The following AHDC1 variants were observed in gnomAD, a reference collection of about 807,000 sequenced individuals.
AHDC1 encodes the protein AT-hook DNA binding motif containing 1.
In AHDC1, 7 loss-of-function variants were observed where a neutral mutation model predicts 87.9. The observed-to-expected ratio is 0.08, with a 90% CI of 0.05 to 0.15. The LOEUF is 0.15. Among genes scored for constraint, AHDC1 ranks in the 10% least tolerant of loss-of-function variants. AHDC1 has a pLI of 1.00. For synonymous variants in AHDC1, 1,051 were observed against 1,006.8 expected (o/e 1.04, Z -0.83); for missense variants, 1,841 against 2,253.2 (o/e 0.82, Z 3.70).
At chr1:27,572,907 G>T (rs115036854) in intron 3 of AHDC1, among the ~76,000 whole-genome samples, 1,716 of 152,314 alleles carry the variant, frequency 0.011, 28 homozygotes, top group African/African-American at 0.039. Context: ...CCTGGAGGCC[G>T]ACTGGTCACT....
At chr1:27,539,434 A>C (rs1211273999) in intron 8 of AHDC1, among the ~76,000 whole-genome samples, 1 of 150,020 alleles carries the variant, frequency 6.7e-6, no homozygotes, top group Non-Finnish European at 1.5e-5. Context: ...CCACCATGCC[A>C]GGCCTGGAGA....
At chr1:27,579,302 G>A (rs2088845068) in intron 3 of AHDC1, among the ~76,000 whole-genome samples, 1 of 152,040 alleles carries the variant, frequency 6.6e-6, no homozygotes, top group African/African-American at 2.4e-5. Context: ...TGCCTTCTCT[G>A]GATCCGTATC....
chr1:27,598,499 A>G lies in AHDC1; in HGVS notation c.-629+4898T>C, dbSNP rs1410886559. On this transcript the variant is annotated intron_variant, in intron 3 of 8. Coordinates refer to ENST00000673934, the MANE Select transcript of AHDC1 (RefSeq NM_001371928.1). This position sits in a 1 kb window ranked among gnomAD's most constrained non-coding sequence, Gnocchi z 4.2. ...GGCCTTGGGCGAAGGAGGGGCTGGG[A>G]GCCAGGGCTTCCTGTCAGCTGGGCT... 6.6e-6 allele frequency among the ~76,000 whole-genome samples: 1 copy of G among 152,054 alleles called. No individual in the cohort carries two copies. Among genetic ancestry groups the G allele is most frequent in the Non-Finnish European group, 1.5e-5 (1 of 67,964 alleles).
chr1:27,547,787 G>C lies in AHDC1; in HGVS notation c.4329C>G (p.His1443Gln), dbSNP rs199527867. ...SLGHAAAAQAHLSCRDLPLGQ... is the reference protein window; with the variant it reads ...SLGHAAAAQAQLSCRDLPLGQ... ...CCAGCGGCAGGTCCCGGCAGCTCAG[G>C]TGGGCCTGGGCTGCAGCTGCGTGGC... The change falls in exon 8 of 9, where the codon CAC becomes CAG. Residue 1443 changes from histidine (H) to glutamine (Q), a missense_variant. His to Gln is a conservative substitution (Grantham distance 24). Coordinates refer to ENST00000673934, the MANE Select transcript of AHDC1 (RefSeq NM_001371928.1). This position sits in a 1 kb window ranked among gnomAD's most constrained non-coding sequence, Gnocchi z 4.9. The C allele has an allele frequency of 6.8e-5, 108 of 1,576,916 alleles. No homozygotes were observed. In the African/African-American group the frequency reaches 1.4e-3, roughly 20 times the overall value.
chr1:27,599,604 G>A (rs2089475825), intron 3 of AHDC1, among the ~76,000 whole-genome samples: 1 of 152,182 alleles, frequency 6.6e-6, no homozygotes, highest in South Asian at 2.1e-4. Context: ...CCTAGACTTG[G>A]CTTTCTCTCG....
At chr1:27,543,121 C>T (rs1252827708) in intron 8 of AHDC1, among the ~76,000 whole-genome samples, 1 of 152,258 alleles carries the variant, frequency 6.6e-6, no homozygotes, top group Non-Finnish European at 1.5e-5. Flanking sequence ...CTTCCTGCTT[C>T]AGTCAGGCCC....
At chr1:27,596,685 C>A (rs981585698) in intron 3 of AHDC1, among the ~76,000 whole-genome samples, 2 of 152,142 alleles carry the variant, frequency 1.3e-5, no homozygotes, top group African/African-American at 4.8e-5. Context: ...ATGCCTGCCA[C>A]TGCACGCTCA....
intron 3 of AHDC1, among the ~76,000 whole-genome samples, chr1:27,577,677 GT>G (rs1379470379): frequency 6.6e-6 from 1 of 152,222 alleles, no homozygotes; most frequent in Non-Finnish European, 1.5e-5. Context: ...TGGGCCCCCT[GT>G]TTCCACAGAG....
chr1:27,602,066 C>T (rs1023189463), intron 3 of AHDC1, among the ~76,000 whole-genome samples: 6 of 152,164 alleles, frequency 3.9e-5, no homozygotes, highest in African/African-American at 7.2e-5. Flanking sequence ...TGGTACAGTC[C>T]GGCCCTGCCT....
At position 27,582,435 on chromosome 1, in the gene AHDC1, T is replaced by C. The variant is rs1344680162; in HGVS notation, c.-629+20962A>G. Reference sequence around the variant, plus strand: ...CAAATAAGAGTAACAACAGCCTCCATCTGTACATTGATTTAAAACTGCAGT... The same window carrying C: ...CAAATAAGAGTAACAACAGCCTCCACCTGTACATTGATTTAAAACTGCAGT... On this transcript the variant is annotated intron_variant, in intron 3 of 8. Transcript: ENST00000673934. Among the ~76,000 whole-genome samples, 12 of 152,256 alleles carry C rather than the reference T, an allele frequency of 7.9e-5. 1 individual carries two copies. The highest frequency in any genetic ancestry group is 2.9e-5 in the Non-Finnish European group (2 of 68,038).
chr1:27,589,353 C>G (rs1250740214), intron 3 of AHDC1, among the ~76,000 whole-genome samples: 1 of 152,154 alleles, frequency 6.6e-6, no homozygotes, highest in African/African-American at 2.4e-5. Context: ...CTGTGCCTGT[C>G]TTTGTCTCTA....
rs753249522 is a variant in AHDC1, at chr1:27,548,475, G to A, written c.3641C>T (p.Ala1214Val). ...LMMDWNEASS[A>V]PGYNWNQSVL... ...ACTCTGGTTCCAGTTGTAGCCGGGG[G>A]CAGATGATGCCTCGTTCCAGTCCAT... is the stretch of plus-strand genomic sequence containing the variant. Residue 1214 changes from alanine (A) to valine (V), a missense_variant, in exon 8 of 9, where the codon GCC becomes GTC. Transcript: ENST00000673934. 3 of 1,613,882 alleles carry A rather than the reference G, an allele frequency of 1.9e-6. No individual in the cohort carries two copies. Among genetic ancestry groups the A allele is most frequent in the Non-Finnish European group, 2.5e-6 (3 of 1,180,016 alleles).
In AHDC1 at chr1:27,565,657, T is replaced by C. The variant is rs2020286842; in HGVS notation, c.-628-6774A>G. Among the ~76,000 whole-genome samples, 1 of 152,124 alleles carries C rather than the reference T, an allele frequency of 6.6e-6. No individual in the cohort carries two copies. The highest frequency in any genetic ancestry group is 1.5e-5 in the Non-Finnish European group (1 of 68,018). Reference sequence around the variant, plus strand: ...AGGAACTCAAAGCACTTTAAAGAAGTCAGACATGAAGCAAGGATAGTATCC... The same window carrying C: ...AGGAACTCAAAGCACTTTAAAGAAGCCAGACATGAAGCAAGGATAGTATCC... On this transcript the variant is annotated intron_variant, in intron 3 of 8. Transcript: ENST00000673934. This position sits in a 1 kb window ranked among gnomAD's most constrained non-coding sequence, Gnocchi z 4.6.
At chr1:27,577,522 G>A (rs930342447) in intron 3 of AHDC1, among the ~76,000 whole-genome samples, 34 of 152,206 alleles carry the variant, frequency 2.2e-4, no homozygotes, top group Non-Finnish European at 2.2e-4. Flanking sequence ...GGGCATCTGG[G>A]GGTGAGGGGA....
chr1:27,576,111 G>C (rs2148419952), intron 3 of AHDC1, among the ~76,000 whole-genome samples: 1 of 152,338 alleles, frequency 6.6e-6, no homozygotes, highest in South Asian at 2.1e-4. Flanking sequence ...GAGAGCACTG[G>C]CGGCCCGGCG....
In AHDC1 at chr1:27,548,921, G is replaced by A. The variant is rs780725855; in HGVS notation, c.3195C>T (p.Pro1065=). The stretch of plus-strand genomic sequence containing the variant: ...TGCCCTTGGGTACCATGTAGCCACC[G>A]GGCGAGACTGTGCTGGCCCGGCTGT... ...RCDSRASTVS[P]GGYMVPKGTT... is the part of the protein sequence containing the mutation. Residue 1065 remains proline (P), a synonymous_variant, in exon 8 of 9, where the codon CCC becomes CCT. Transcript: ENST00000673934. The A allele has an allele frequency of 2.1e-5, 33 of 1,599,566 alleles. 1 individual carries two copies. Among genetic ancestry groups the A allele is most frequent in the East Asian group, 1.1e-4 (5 of 44,262 alleles).
At chr1:27,537,883 T>C (rs566464640) in intron 8 of AHDC1, among the ~76,000 whole-genome samples, 8 of 152,040 alleles carry the variant, frequency 5.3e-5, no homozygotes, top group Non-Finnish European at 1.0e-4. Flanking sequence ...TGAGCAGAGA[T>C]TCAAAGTGCT....
In AHDC1 at chr1:27,558,949, G is replaced by A; in HGVS notation, c.-628-66C>T. 1 of 398,538 alleles carries A rather than the reference G, an allele frequency of 2.5e-6. No individual in the cohort carries two copies. The highest frequency in any genetic ancestry group is 4.4e-6 in the Non-Finnish European group (1 of 226,070). The allele number at this position is 398,538 out of a possible 1,614,324, so 24.7% of individuals were successfully genotyped here. On this transcript the variant is annotated intron_variant, in intron 3 of 8. Coordinates refer to ENST00000673934, the MANE Select transcript of AHDC1 (RefSeq NM_001371928.1). The surrounding 1 kb of genome is among the most constrained non-coding windows in gnomAD (Gnocchi z 5.6). ...ACAGGGTAAGCCAGCCAGACAGCAG[G>A]GTGCAGGCGGACACTGAGCCAGGAA... is the stretch of plus-strand genomic sequence containing the variant.
chr1:27,559,084 T>C (rs1205661638), intron 3 of AHDC1, among the ~76,000 whole-genome samples: 1 of 152,108 alleles, frequency 6.6e-6, no homozygotes, highest in Non-Finnish European at 1.5e-5. Context: ...CCTCATCTCG[T>C]TTTGTGGCCC....
Sources: gnomAD v4.1 joint callset for allele counts (sites outside exome capture counted in the v4.1 genomes callset) on GRCh38, gnomAD v4.1.1 for gene constraint, Gnocchi (gnomAD v3.1) non-coding constraint, MANE v1.5 for transcripts, NCBI Gene and HGNC (gene_info 2026-07-23, HGNC 2026-07-21) for gene names.